The following EFCAB8 variants were observed in gnomAD, a reference collection of about 807,000 sequenced individuals.
The protein encoded by EFCAB8 is EF-hand calcium-binding domain-containing protein 8.
EFCAB8 carries 100 observed loss-of-function variants against 116.3 expected under a neutral mutation model. That is an observed-to-expected ratio of 0.86 (90% CI 0.73 to 1.02). The LOEUF (loss-of-function observed/expected upper bound fraction) is 1.02, where lower values mean the gene tolerates loss of function less well. Among genes scored for constraint, EFCAB8 ranks in the 50% least tolerant of loss-of-function variants. The pLI is 0.00. For missense variants in EFCAB8, 1,320 were observed against 1,416.9 expected (o/e 0.93, Z 1.10); for synonymous variants, 558 against 567.9 (o/e 0.98, Z 0.25).
At chr20:32,878,161 G>A (rs1414957395) in intron 4 of EFCAB8, among the ~76,000 whole-genome samples, 1 of 152,136 alleles carries the variant, frequency 6.6e-6, no homozygotes, top group Non-Finnish European at 1.5e-5. Flanking sequence ...AGCTACTCAG[G>A]AGGCTGAGGT....
intron 22 of EFCAB8, among the ~76,000 whole-genome samples, chr20:32,937,711 G>A (rs899230646): frequency 7.6e-6 from 1 of 130,774 alleles, no homozygotes; most frequent in Non-Finnish European, 1.7e-5. Flanking sequence ...CTCTGCCTCC[G>A]GGGTTCAAGT....
chr20:32,920,386 T>C (rs1002901140), intron 20 of EFCAB8, among the ~76,000 whole-genome samples, 171 bp downstream of exon 20: 3 of 152,054 alleles, frequency 2.0e-5, no homozygotes, highest in African/African-American at 7.2e-5. Flanking sequence ...GAGTCAGGGC[T>C]GCGGTGTCTG....
At chr20:32,942,521 TA>T (rs928813997) in intron 22 of EFCAB8, among the ~76,000 whole-genome samples, 67 of 144,266 alleles carry the variant, frequency 4.6e-4, no homozygotes, top group Admixed American at 6.3e-4. Flanking sequence ...ACCCCATCTC[TA>T]AAAAAAAAAA....
chr20:32,868,168 C>T (rs1367219357), intron 3 of EFCAB8, among the ~76,000 whole-genome samples: 5 of 152,162 alleles, frequency 3.3e-5, no homozygotes, highest in Non-Finnish European at 5.9e-5. Flanking sequence ...AAGTGATCCT[C>T]CTGCCTTGGC....
At chr20:32,895,628 A>G (rs1213264537) in intron 9 of EFCAB8, among the ~76,000 whole-genome samples, 1 of 147,304 alleles carries the variant, frequency 6.8e-6, no homozygotes, top group African/African-American at 2.5e-5. Context: ...CTGGAGTGCA[A>G]TGGTGCGATC....
At chr20:32,893,637 G>C (rs1986023740) in intron 9 of EFCAB8, among the ~76,000 whole-genome samples, 1 of 152,140 alleles carries the variant, frequency 6.6e-6, no homozygotes, top group South Asian at 2.1e-4. Flanking sequence ...TCCTGGGTGA[G>C]AGCACTGATG....
chr20:32,905,138 T>G (rs545917570), intron 11 of EFCAB8, among the ~76,000 whole-genome samples: 5 of 152,198 alleles, frequency 3.3e-5, no homozygotes, highest in Admixed American at 1.3e-4. Flanking sequence ...CGCTGCTTAC[T>G]GAGCTTCCTG....
At chr20:32,870,967 G>T (rs6058922) in intron 3 of EFCAB8, among the ~76,000 whole-genome samples, 62,040 of 150,744 alleles carry the variant, frequency 0.41, 15,103 homozygotes, top group Non-Finnish European at 0.55. Flanking sequence ...CAAGTGATTC[G>T]CCTGTCTCAG....
intron 9 of EFCAB8, among the ~76,000 whole-genome samples, chr20:32,895,605 T>A (rs1244266272): frequency 6.7e-6 from 1 of 150,224 alleles, no homozygotes; most frequent in Admixed American, 6.6e-5. Context: ...AGAGTCTTGC[T>A]CTATTGCCCA....
chr20:32,898,666 G>T, intron 11 of EFCAB8, 43 bp downstream of exon 11: 1 of 711,732 alleles, frequency 1.4e-6, no homozygotes, highest in South Asian at 1.5e-5. Context: ...GGGGCTGGAA[G>T]GGAGGGGGGT....
At chr20:32,924,193 G>A (rs1472827662) in intron 20 of EFCAB8, among the ~76,000 whole-genome samples, 2 of 152,008 alleles carry the variant, frequency 1.3e-5, no homozygotes, top group African/African-American at 4.8e-5. Flanking sequence ...ATTAATAGCT[G>A]GGACCACAGG....
At position 32,894,859 on chromosome 20, in the gene EFCAB8, C is replaced by T. The variant is rs111996159; in HGVS notation, c.883+1561C>T. Among the ~76,000 whole-genome samples, 86 of 152,344 alleles carry T rather than the reference C, an allele frequency of 5.6e-4. 1 individual carries two copies. The highest frequency in any genetic ancestry group is 1.9e-3 in the African/African-American group (79 of 41,586). On this transcript the variant is annotated intron_variant, in intron 9 of 26. Coordinates refer to ENST00000400522, the MANE Select transcript of EFCAB8 (RefSeq NM_001143967.2). ...AGGTAAACTGATGATTAAACCACAG[C>T]GCATCATAAAGCTGACTTCTGCCTG...
intron 6 of EFCAB8, among the ~76,000 whole-genome samples, chr20:32,887,304 G>A (rs564592846): frequency 5.9e-5 from 9 of 152,340 alleles, no homozygotes; most frequent in Non-Finnish European, 1.0e-4. Context: ...CGCCAGGCGC[G>A]GAGGCTCACG....
At chr20:32,919,714 G>C (rs1044502923) in intron 19 of EFCAB8, among the ~76,000 whole-genome samples, 2 of 152,006 alleles carry the variant, frequency 1.3e-5, no homozygotes, top group East Asian at 3.9e-4. Flanking sequence ...GGCCAGGCTG[G>C]TCTCAGACTC....
intron 4 of EFCAB8, among the ~76,000 whole-genome samples, chr20:32,878,429 G>A (rs1226818363): frequency 6.6e-6 from 1 of 152,036 alleles, no homozygotes; most frequent in Non-Finnish European, 1.5e-5. Context: ...CAGTACTTGG[G>A]AAGCAGCCAC....
intron 1 of EFCAB8, among the ~76,000 whole-genome samples, chr20:32,863,435 T>G (rs1322987903): frequency 6.6e-6 from 1 of 152,176 alleles, no homozygotes; most frequent in Non-Finnish European, 1.5e-5. Flanking sequence ...CCACATGGCC[T>G]CCTAAGATTC....
chr20:32,922,921 CA>C (rs1488550173), intron 20 of EFCAB8, among the ~76,000 whole-genome samples: 1 of 152,198 alleles, frequency 6.6e-6, no homozygotes, highest in Non-Finnish European at 1.5e-5. Flanking sequence ...CAGTGGCTCA[CA>C]TCTGTAATCC....
At position 32,888,414 on chromosome 20, in the gene EFCAB8, C is replaced by T. The variant is rs149264704; in HGVS notation, c.568-887C>T. Among the ~76,000 whole-genome samples the T allele has an allele frequency of 2.5e-3, 377 of 152,248 alleles. 1 individual carries two copies. Among genetic ancestry groups the T allele is most frequent in the African/African-American group, 8.6e-3 (356 of 41,548 alleles). On this transcript the variant is annotated intron_variant, in intron 6 of 26. Transcript: ENST00000400522. The stretch of plus-strand genomic sequence containing the variant: ...CTAACTTTTGTATTTTTAGTACAGA[C>T]GGGGTTTCAACATTGGCCAGGCTGG...
At chr20:32,880,356 C>T (rs570925989) in intron 5 of EFCAB8, among the ~76,000 whole-genome samples, 8 of 151,906 alleles carry the variant, frequency 5.3e-5, no homozygotes, top group African/African-American at 1.7e-4. Flanking sequence ...GCAACCTCCG[C>T]CCCCCGGGTT....
Sources: gnomAD v4.1 joint callset for allele counts (sites outside exome capture counted in the v4.1 genomes callset) on GRCh38, gnomAD v4.1.1 for gene constraint, MANE v1.5 for transcripts, NCBI Gene and HGNC (gene_info 2026-07-23, HGNC 2026-07-21) for gene names.